The following KATNIP variants were observed in gnomAD, a reference collection of about 807,000 sequenced individuals.
KATNIP encodes the protein katanin interacting protein, also known as katanin-interacting protein.
KATNIP carries 126 observed loss-of-function variants against 174.0 expected under a neutral mutation model. The ratio of observed to expected loss-of-function variants is 0.72; its 90% CI spans 0.63 to 0.84. KATNIP has a LOEUF of 0.84. Ranked by LOEUF, KATNIP falls within the 40% of genes least tolerant of loss-of-function variation. The pLI is 0.00. For synonymous variants in KATNIP, 810 were observed against 835.7 expected, an observed-to-expected ratio of 0.97 and a Z score of 0.53; for missense variants, 1,958 against 2,109.7, an observed-to-expected ratio of 0.93 and a Z score of 1.41.
At position 27,628,821 on chromosome 16, in the gene KATNIP, G is replaced by C. The variant is rs925450542; in HGVS notation, c.301G>C (p.Gly101Arg). 1 of 1,614,104 alleles carries C rather than the reference G, an allele frequency of 6.2e-7. No homozygotes were observed. ...CTCCAGAAGTGCCTCCCACACGGAG[G>C]GGACACACGGTGAGCACAGGCCCTC... ...DFSRSASHTEGTHDYGRRTLF... is the reference protein window; with the variant it reads ...DFSRSASHTERTHDYGRRTLF... Residue 101 changes from glycine (G) to arginine (R), a missense_variant, in exon 4 of 28, where the codon GGG (glycine) becomes CGG (arginine). Gly to Arg is a moderately radical substitution (Grantham distance 125). Transcript: ENST00000261588.
intron 23 of KATNIP, among the ~76,000 whole-genome samples, chr16:27,773,618 C>T (rs944717145): frequency 6.6e-6 from 1 of 152,162 alleles, no homozygotes; most frequent in African/African-American, 2.4e-5. Flanking sequence ...TATGCCCACA[C>T]CAGAATTTGC....
intron 8 of KATNIP, among the ~76,000 whole-genome samples, chr16:27,697,270 C>A (rs902696248): frequency 1.3e-5 from 2 of 152,146 alleles, no homozygotes; most frequent in Non-Finnish European, 2.9e-5. Flanking sequence ...ACACTCCCAC[C>A]AGCAGTGTAT....
intron 1 of KATNIP, among the ~76,000 whole-genome samples, chr16:27,572,400 A>ACACACAG (rs2090341307): frequency 2.4e-5 from 1 of 41,434 alleles, no homozygotes; most frequent in East Asian, 1.2e-3. Context: ...CACACACACA[A>ACACACAG]TGAAGACAAA....
chr16:27,734,365 G>C (rs76600231), intron 14 of KATNIP, among the ~76,000 whole-genome samples: 1,644 of 146,416 alleles, frequency 0.011, 28 homozygotes, highest in African/African-American at 0.039. Context: ...ACAGGTGTGA[G>C]CCACTGCGCC....
intron 5 of KATNIP, among the ~76,000 whole-genome samples, chr16:27,638,489 G>A (rs1432795925): frequency 6.6e-6 from 1 of 152,136 alleles, no homozygotes; most frequent in Non-Finnish European, 1.5e-5. Context: ...AACCCTTTTG[G>A]ATGGGCTCCT....
chr16:27,580,131 T>C (rs1426460725), intron 2 of KATNIP, among the ~76,000 whole-genome samples: 1 of 152,138 alleles, frequency 6.6e-6, no homozygotes, highest in Non-Finnish European at 1.5e-5. Context: ...TTTTTTGTTT[T>C]AGACAGGGTC....
intron 13 of KATNIP, among the ~76,000 whole-genome samples, chr16:27,719,476 G>T (rs556806092): frequency 1.3e-5 from 2 of 151,256 alleles, no homozygotes; most frequent in African/African-American, 4.9e-5. Flanking sequence ...GGGTTCAAGC[G>T]ATTCTCCTGC....
intron 1 of KATNIP, among the ~76,000 whole-genome samples, chr16:27,554,950 C>T (rs1319634430): frequency 3.3e-5 from 5 of 151,956 alleles, no homozygotes; most frequent in East Asian, 1.9e-4. Flanking sequence ...CACGCCACCA[C>T]GCCTGGCTAA....
chr16:27,559,641 A>G (rs1346894052), intron 1 of KATNIP, among the ~76,000 whole-genome samples: 1 of 151,002 alleles, frequency 6.6e-6, no homozygotes, highest in Non-Finnish European at 1.5e-5. Flanking sequence ...TGATCATGCC[A>G]CTGCACTCTA....
At chr16:27,704,881 C>T (rs756541560) in intron 12 of KATNIP, among the ~76,000 whole-genome samples, 46 of 147,476 alleles carry the variant, frequency 3.1e-4, no homozygotes, top group Middle Eastern at 7.2e-3. Flanking sequence ...AACGGTGATT[C>T]GATTTTCGTT....
intron 1 of KATNIP, among the ~76,000 whole-genome samples, chr16:27,561,186 A>ATT (rs77583757): frequency 3.2e-5 from 4 of 124,166 alleles, no homozygotes; most frequent in Non-Finnish European, 5.2e-5. Flanking sequence ...TAATTTTTGT[A>ATT]TTTTTTTTTT....
chr16:27,693,886 A>G (rs1412479795), intron 8 of KATNIP, among the ~76,000 whole-genome samples: 1 of 152,162 alleles, frequency 6.6e-6, no homozygotes, highest in Admixed American at 6.5e-5. Flanking sequence ...GATTTCACAT[A>G]TATTTCAGAT....
chr16:27,773,682 C>T (rs747015472), intron 23 of KATNIP, among the ~76,000 whole-genome samples: 59 of 152,278 alleles, frequency 3.9e-4, no homozygotes, highest in South Asian at 6.2e-4. Flanking sequence ...TTAGAAATCA[C>T]GAGGTTTCAC....
rs189251058 is a variant in KATNIP, at chr16:27,741,047, G to A, written c.2623+127G>A. The A allele has an allele frequency of 2.1e-3, 2,053 of 999,970 alleles. 30 individuals are homozygous for A. In the South Asian group the frequency reaches 0.023, roughly 11 times the overall value. 61.9% of individuals were successfully genotyped at this position (999,970 alleles called of 1,614,324 possible). A position where few individuals can be genotyped will look rare whatever the true frequency, so the allele number is the denominator to read the frequency against. On this transcript the variant is annotated intron_variant, in intron 15 of 27. Transcript: ENST00000261588. ...ACAAGATGGTTGTTCTCAACTAAGG[G>A]TCACAAAATCACTGTCTCAGGGGCC... is the stretch of plus-strand genomic sequence containing the variant.
At chr16:27,716,803 T>G (rs943839885) in intron 13 of KATNIP, among the ~76,000 whole-genome samples, 18 of 152,118 alleles carry the variant, frequency 1.2e-4, no homozygotes, top group Admixed American at 3.9e-4. Flanking sequence ...ACCTACATTT[T>G]GTCGTTTCAA....
intron 2 of KATNIP, among the ~76,000 whole-genome samples, chr16:27,581,381 A>T (rs2090691521): frequency 6.6e-6 from 1 of 152,166 alleles, no homozygotes; most frequent in African/African-American, 2.4e-5. Context: ...TCATCTTTTA[A>T]CAGTGCATGA....
chr16:27,657,109 A>G (rs2077321584), intron 6 of KATNIP, among the ~76,000 whole-genome samples: 1 of 152,164 alleles, frequency 6.6e-6, no homozygotes, highest in South Asian at 2.1e-4. Context: ...TGAGTTTGAT[A>G]GTTACATTGT....
At chr16:27,572,350 G>T (rs1202695730) in intron 1 of KATNIP, among the ~76,000 whole-genome samples, 1 of 85,862 alleles carries the variant, frequency 1.2e-5, no homozygotes, top group Non-Finnish European at 2.5e-5. Flanking sequence ...TTTGTCTTAA[G>T]GCAAAAAAGA....
chr16:27,704,927 C>CTTTTTTTTTTTTTT (rs2079243174), intron 12 of KATNIP, among the ~76,000 whole-genome samples: 1 of 30,006 alleles, frequency 3.3e-5, no homozygotes. Flanking sequence ...TTTTTTTTTT[C>CTTTTTTTTTTTTTT]TTAGACAGAG....
Sources: allele counts gnomAD v4.1 joint callset (sites outside exome capture counted in the v4.1 genomes callset), GRCh38; gene constraint gnomAD v4.1.1; transcripts MANE v1.5; gene names NCBI Gene and HGNC (gene_info 2026-07-23, HGNC 2026-07-21).